Variants in FAM47E observed in about 807,000 individuals in gnomAD.
FAM47E encodes protein FAM47E.
Under a neutral mutation model 41.6 loss-of-function variants are expected in FAM47E, and 32 were observed. The observed-to-expected ratio is 0.77, with a 90% confidence interval of 0.58 to 1.03. The LOEUF is 1.03. FAM47E is among the 50% of genes least tolerant of loss of function. The probability of loss-of-function intolerance (pLI) is 0.00; values close to 1 mark genes in which losing one functional copy is unlikely to be tolerated. For missense variants in FAM47E, 424 were observed against 485.4 expected (o/e 0.87, Z 1.19); for synonymous variants, 184 against 188.7 (o/e 0.98, Z 0.20).
intron 2 of FAM47E, among the ~76,000 whole-genome samples, chr4:76,219,593 T>A (rs1028608454): frequency 5.3e-5 from 8 of 152,108 alleles, no homozygotes; most frequent in Non-Finnish European, 8.8e-5. Flanking sequence ...GAAAGCCAGG[T>A]TTACTCAGCA....
At chr4:76,238,203 C>G (rs1341920139) in intron 2 of FAM47E, among the ~76,000 whole-genome samples, 1 of 152,140 alleles carries the variant, frequency 6.6e-6, no homozygotes, top group Non-Finnish European at 1.5e-5. Flanking sequence ...CTAAATATTC[C>G]TTTGTATCAC....
intron 7 of FAM47E, chr4:76,281,492 T>C (rs1449451536): frequency 6.6e-6 from 1 of 151,292 alleles, no homozygotes; most frequent in African/African-American, 2.4e-5. Context: ...ATATAAAATA[T>C]AAAATATGCA....
intron 1 of FAM47E, chr4:76,214,520 C>T (rs964953364): frequency 8.6e-6 from 3 of 347,832 alleles, no homozygotes; most frequent in Non-Finnish European, 1.7e-5. Flanking sequence ...GGGGTGGAGT[C>T]GGAGGTGTTG....
At chr4:76,279,182 G>A (rs1028027318) in intron 6 of FAM47E, 6 of 152,078 alleles carry the variant, frequency 3.9e-5, no homozygotes, top group Admixed American at 1.3e-4. Flanking sequence ...ATAATGTTTG[G>A]CAGAATTTCT....
At chr4:76,241,293 A>C (rs1312973363) in intron 2 of FAM47E, among the ~76,000 whole-genome samples, 4 of 152,344 alleles carry the variant, frequency 2.6e-5, no homozygotes, top group Middle Eastern at 3.4e-3. Flanking sequence ...AATGAAGGGC[A>C]GAAAAAGGCT....
rs761927822 is a variant in FAM47E, at chr4:76,268,684, C to T, written c.585C>T (p.Asn195=). Residue 195 remains asparagine (N), a synonymous_variant, in exon 4 of 8, where the codon AAC becomes AAT. Coordinates refer to ENST00000424749, the MANE Select transcript of FAM47E (RefSeq NM_001136570.3). ...LGPSKKTSVS[N]AGQWLYEEKP... is the part of the protein sequence containing the mutation. Reference sequence around the variant, plus strand: ...GTTCCAAGAAGACGTCTGTGTCAAACGCAGGCCAATGGCTTTATGAAGAAA... The same window carrying T: ...GTTCCAAGAAGACGTCTGTGTCAAATGCAGGCCAATGGCTTTATGAAGAAA... 21 of 1,551,070 alleles carry T rather than the reference C, an allele frequency of 1.4e-5. No individual in the cohort carries two copies. The highest frequency in any genetic ancestry group is 1.1e-4 in the South Asian group (9 of 83,928).
At chr4:76,254,839 T>C (rs1027395624) in intron 1 of FAM47E, among the ~76,000 whole-genome samples, 1 of 152,150 alleles carries the variant, frequency 6.6e-6, no homozygotes, top group South Asian at 2.1e-4. Context: ...TCGCTGGTTG[T>C]GTTAGGTTAT....
intron 2 of FAM47E, among the ~76,000 whole-genome samples, chr4:76,225,890 G>A (rs1296161601): frequency 6.6e-6 from 1 of 152,162 alleles, no homozygotes; most frequent in Non-Finnish European, 1.5e-5. Context: ...GTATTAGGGT[G>A]ATACTGGCTT....
intron 1 of FAM47E, among the ~76,000 whole-genome samples, chr4:76,254,358 G>T (rs1734099570): frequency 6.6e-6 from 1 of 152,128 alleles, no homozygotes; most frequent in Admixed American, 6.5e-5. Flanking sequence ...ACTTTGTAAA[G>T]ACATTTAATA....
chr4:76,249,056 C>T (rs1462230869), upstream of FAM47E, among the ~76,000 whole-genome samples: 1 of 151,932 alleles, frequency 6.6e-6, no homozygotes, highest in Non-Finnish European at 1.5e-5. Flanking sequence ...GTGAAACTCC[C>T]ATCTCTATTA....
chr4:76,220,824 C>G (rs762955140), intron 2 of FAM47E, among the ~76,000 whole-genome samples: 4 of 152,196 alleles, frequency 2.6e-5, no homozygotes, highest in Non-Finnish European at 5.9e-5. Context: ...GTCATAGGTA[C>G]ATTTTCTGTT....
chr4:76,281,592 A>G (rs1735347400), intron 7 of FAM47E: 1 of 152,178 alleles, frequency 6.6e-6, no homozygotes, highest in South Asian at 2.1e-4. Context: ...GTGTGTATAT[A>G]TAAATCCTTA....
intron 6 of FAM47E, chr4:76,279,788 AATGGT>A (rs1735270883): frequency 6.6e-6 from 1 of 152,480 alleles, no homozygotes; most frequent in African/African-American, 2.4e-5. Flanking sequence ...TGGAAGGTGA[AATGGT>A]TTTAAAGTAC....
chr4:76,248,788 A>C (rs551620140), upstream of FAM47E, among the ~76,000 whole-genome samples: 305 of 94,794 alleles, frequency 3.2e-3, 6 homozygotes, highest in South Asian at 0.031. Flanking sequence ...TACTTAGAGA[A>C]TCTCTCAGTC....
At chr4:76,222,547 A>G (rs1335026563) in intron 2 of FAM47E, among the ~76,000 whole-genome samples, 2 of 152,070 alleles carry the variant, frequency 1.3e-5, no homozygotes, top group Non-Finnish European at 2.9e-5. Context: ...TCTTCTCCTT[A>G]GTCCTTAACT....
upstream of FAM47E, among the ~76,000 whole-genome samples, chr4:76,250,575 G>A (rs1372408): frequency 0.75 from 113,970 of 152,066 alleles, 43,290 homozygotes; most frequent in East Asian, 0.82. Flanking sequence ...CATTGTTTGG[G>A]CAAATTGTTA....
chr4:76,222,101 C>T (rs1733319514), intron 2 of FAM47E, among the ~76,000 whole-genome samples: 1 of 152,234 alleles, frequency 6.6e-6, no homozygotes, highest in African/African-American at 2.4e-5. Context: ...GGAGGCTGGG[C>T]AGGCCCAATC....
At chr4:76,222,227 CTT>C (rs1163710967) in intron 2 of FAM47E, among the ~76,000 whole-genome samples, 1 of 143,982 alleles carries the variant, frequency 6.9e-6, no homozygotes, top group Non-Finnish European at 1.5e-5. Flanking sequence ...TTCCTATCTT[CTT>C]TTTTTTTTTT....
chr4:76,283,677 T>G lies in FAM47E; in HGVS notation c.*219T>G, dbSNP rs145247481. The G allele has an allele frequency of 1.3e-3, 560 of 440,292 alleles. 1 individual carries two copies. Among genetic ancestry groups the G allele is most frequent in the African/African-American group, 7.3e-3 (372 of 51,056 alleles). 27.3% of individuals were successfully genotyped at this position (440,292 alleles called of 1,614,324 possible). ...AACATTTTGTATACTTTATCACCCATGAGATCAATATTCACATGTAATCTT... is the reference window on the plus strand; with the variant it reads ...AACATTTTGTATACTTTATCACCCAGGAGATCAATATTCACATGTAATCTT... On this transcript the variant is annotated 3_prime_UTR_variant, in exon 8 of 8. Coordinates refer to ENST00000424749, the MANE Select transcript of FAM47E (RefSeq NM_001136570.3).
Sources: allele counts gnomAD v4.1 joint callset (sites outside exome capture counted in the v4.1 genomes callset), GRCh38; gene constraint gnomAD v4.1.1; transcripts MANE v1.5; gene names NCBI Gene and HGNC (gene_info 2026-07-23, HGNC 2026-07-21).